The following GALNT16 variants were observed in gnomAD, a reference collection of about 807,000 sequenced individuals.
The protein encoded by GALNT16 is polypeptide N-acetylgalactosaminyltransferase 16, also known as UDP-GalNAc:polypeptide N-acetylgalactosaminyltransferase-like protein 1.
Under a neutral mutation model 76.1 loss-of-function variants are expected in GALNT16, and 40 were observed. That is an observed-to-expected ratio of 0.53 (90% CI 0.41 to 0.68). The LOEUF is 0.68. GALNT16 is among the 30% of genes least tolerant of loss of function. The probability of loss-of-function intolerance (pLI) is 0.00; values close to 1 mark genes in which losing one functional copy is unlikely to be tolerated. For synonymous variants in GALNT16, 276 were observed against 285.2 expected, an observed-to-expected ratio of 0.97 and a Z score of 0.32; for missense variants, 621 against 731.9, an observed-to-expected ratio of 0.85 and a Z score of 1.75.
Position 69,293,479 on chromosome 14 carries a change from C to A in GALNT16, c.178-27232C>A, listed in dbSNP as rs549817426. Reference sequence around the variant, plus strand: ...AAGCAGTAGTTTCTTCCCTGACTAGCATTTATTGAGCACTTATTGTATGTC... The same window carrying A: ...AAGCAGTAGTTTCTTCCCTGACTAGAATTTATTGAGCACTTATTGTATGTC... On this transcript the variant is annotated intron_variant, in intron 1 of 14. Transcript: ENST00000448469. Among the ~76,000 whole-genome samples, 58 of 152,290 alleles carry A rather than the reference C, an allele frequency of 3.8e-4. 1 individual carries two copies. In the South Asian group the frequency reaches 0.012, roughly 32 times the overall value.
At chr14:69,337,500 A>G (rs2045429406) in intron 9 of GALNT16, among the ~76,000 whole-genome samples, 1 of 152,242 alleles carries the variant, frequency 6.6e-6, no homozygotes, top group African/African-American at 2.4e-5. Flanking sequence ...TAGCATAACA[A>G]AGTTGGGATG....
chr14:69,337,902 G>T (rs1170769587), intron 9 of GALNT16, among the ~76,000 whole-genome samples: 1 of 152,150 alleles, frequency 6.6e-6, no homozygotes, highest in Admixed American at 6.5e-5. Flanking sequence ...GAGACTATAG[G>T]GTTAATATGA....
chr14:69,346,058 T>C (rs1405757773), intron 12 of GALNT16, among the ~76,000 whole-genome samples: 1 of 151,990 alleles, frequency 6.6e-6, no homozygotes, highest in African/African-American at 2.4e-5. Flanking sequence ...TGGATAATTT[T>C]TTTTTTTTTA....
chr14:69,324,831 AG>A (rs749135226), intron 3 of GALNT16, 41 bp downstream of exon 3: 3 of 1,350,684 alleles, frequency 2.2e-6, no homozygotes, highest in Admixed American at 2.1e-5. Context: ...TGGTGCTGGC[AG>A]GGGAGGACAT....
At chr14:69,295,465 A>T (rs1315572676) in intron 1 of GALNT16, among the ~76,000 whole-genome samples, 1 of 151,400 alleles carries the variant, frequency 6.6e-6, no homozygotes, top group Non-Finnish European at 1.5e-5. Flanking sequence ...CACACCTGTA[A>T]TCCTAGCATT....
the GALNT16 span, among the ~76,000 whole-genome samples, chr14:69,380,929 T>C: frequency 6.6e-6 from 1 of 152,224 alleles, no homozygotes; most frequent in African/African-American, 2.4e-5. Context: ...CCAGAAACCA[T>C]GTGTTCTTCC....
At chr14:69,281,717 C>T (rs1015992860) in intron 1 of GALNT16, among the ~76,000 whole-genome samples, 1 of 152,172 alleles carries the variant, frequency 6.6e-6, no homozygotes, top group South Asian at 2.1e-4. Flanking sequence ...AGAACTCTGA[C>T]GTCAGCCTTT....
At chr14:69,372,204 G>C in the GALNT16 span, among the ~76,000 whole-genome samples, 288 of 152,182 alleles carry the variant, frequency 1.9e-3, 1 homozygote, top group Non-Finnish European at 2.4e-3. Context: ...CTGGGGGTTG[G>C]AGTGCCTATC....
At chr14:69,290,628 G>A (rs1244017363) in intron 1 of GALNT16, among the ~76,000 whole-genome samples, 3 of 152,188 alleles carry the variant, frequency 2.0e-5, no homozygotes, top group Admixed American at 6.5e-5. Context: ...AAAGATTCAC[G>A]TTAAGAATGT....
At chr14:69,367,278 A>G in the GALNT16 span, among the ~76,000 whole-genome samples, 2 of 152,118 alleles carry the variant, frequency 1.3e-5, no homozygotes, top group Non-Finnish European at 1.5e-5. Flanking sequence ...CCGCAAACTC[A>G]TATGTTGAAA....
At position 69,261,237 on chromosome 14, in the gene GALNT16, G is replaced by A. The variant is rs1339552427; in HGVS notation, c.177+770G>A. Among the ~76,000 whole-genome samples, 1 of 151,906 alleles carries A rather than the reference G, an allele frequency of 6.6e-6. No homozygotes were observed. The highest frequency in any genetic ancestry group is 2.4e-5 in the African/African-American group (1 of 41,350). On this transcript the variant is annotated intron_variant, in intron 1 of 14. Transcript: ENST00000448469. This position sits in a 1 kb window ranked among gnomAD's most constrained non-coding sequence, Gnocchi z 6.4. Reference sequence around the variant, plus strand: ...CGGGGGCGGCGGCGGGGCTGCGGGGGCCCTTGGCGCTCTGGGGACCCGGGC... The same window carrying A: ...CGGGGGCGGCGGCGGGGCTGCGGGGACCCTTGGCGCTCTGGGGACCCGGGC...
the GALNT16 span, among the ~76,000 whole-genome samples, chr14:69,386,279 C>T: frequency 6.6e-6 from 1 of 152,196 alleles, no homozygotes; most frequent in African/African-American, 2.4e-5. Flanking sequence ...TATTTCTCAT[C>T]ACTGCTCTTT....
At chr14:69,306,404 GT>G (rs2044935107) in intron 1 of GALNT16, among the ~76,000 whole-genome samples, 1 of 151,898 alleles carries the variant, frequency 6.6e-6, no homozygotes, top group Non-Finnish European at 1.5e-5. Flanking sequence ...TGATCATACT[GT>G]TAAATTTATC....
intron 1 of GALNT16, among the ~76,000 whole-genome samples, chr14:69,264,748 C>G (rs2044317865): frequency 2.6e-5 from 4 of 151,430 alleles, no homozygotes; most frequent in Admixed American, 2.6e-4. Flanking sequence ...CCCACAATTC[C>G]CTTTGTCAAA....
chr14:69,344,952 G>A (rs528129626), intron 12 of GALNT16, among the ~76,000 whole-genome samples: 22 of 152,346 alleles, frequency 1.4e-4, no homozygotes, highest in Admixed American at 9.1e-4. Context: ...AATTCTTACA[G>A]TGGTCAGGCA....
chr14:69,290,492 A>T (rs905616884), intron 1 of GALNT16, among the ~76,000 whole-genome samples: 1 of 152,218 alleles, frequency 6.6e-6, no homozygotes, highest in Non-Finnish European at 1.5e-5. Context: ...CTGAGACAAG[A>T]TGTTGGCAGG....
At chr14:69,316,626 T>G (rs1322929935) in intron 1 of GALNT16, among the ~76,000 whole-genome samples, 1 of 152,042 alleles carries the variant, frequency 6.6e-6, no homozygotes, top group South Asian at 2.1e-4. Flanking sequence ...AGCAGGGCCC[T>G]GCAGGCCCTA....
At chr14:69,321,416 C>T (rs1037701497) in intron 2 of GALNT16, among the ~76,000 whole-genome samples, 4 of 152,176 alleles carry the variant, frequency 2.6e-5, no homozygotes, top group African/African-American at 9.7e-5. Flanking sequence ...TGTGCGTGAC[C>T]GGCCTTAAGC....
chr14:69,310,935 A>G (rs1407893004), intron 1 of GALNT16, among the ~76,000 whole-genome samples: 1 of 152,062 alleles, frequency 6.6e-6, no homozygotes, highest in Admixed American at 6.5e-5. Context: ...TAAAATTTTA[A>G]AAAAATAGTA....
Sources: gnomAD v4.1 joint callset for allele counts (sites outside exome capture counted in the v4.1 genomes callset) on GRCh38, gnomAD v4.1.1 for gene constraint, Gnocchi (gnomAD v3.1) non-coding constraint, MANE v1.5 for transcripts, NCBI Gene and HGNC (gene_info 2026-07-23, HGNC 2026-07-21) for gene names.